Variants in PTPRQ observed in about 807,000 individuals in gnomAD.
The protein encoded by PTPRQ is protein tyrosine phosphatase receptor type Q, also known as phosphatidylinositol phosphatase PTPRQ.
In PTPRQ, 199 loss-of-function variants were observed where a neutral mutation model predicts 246.0. The observed-to-expected ratio is 0.81, with a 90% CI of 0.72 to 0.91. The LOEUF is 0.91. Ranked by LOEUF, PTPRQ falls within the 40% of genes least tolerant of loss-of-function variation. The probability of loss-of-function intolerance (pLI) is 0.00; values close to 1 mark genes in which losing one functional copy is unlikely to be tolerated. For missense variants in PTPRQ, 2,624 were observed against 2,528.4 expected (o/e 1.04, Z -0.81); for synonymous variants, 869 against 853.2 (o/e 1.02, Z -0.32).
At chr12:80,452,370 A>G (rs1423081861) in intron 3 of PTPRQ, among the ~76,000 whole-genome samples, 1 of 152,104 alleles carries the variant, frequency 6.6e-6, no homozygotes, top group Admixed American at 6.6e-5. Flanking sequence ...TTACATTTAA[A>G]GTCAATATTG....
At chr12:80,619,294 G>A (rs1009582015) in intron 30 of PTPRQ, 90 bp from the exon 31 acceptor site, 273 of 1,404,190 alleles carry the variant, frequency 1.9e-4, no homozygotes, top group Non-Finnish European at 2.5e-4. Flanking sequence ...CACTTTATCT[G>A]TAAATTAACT....
At chr12:80,645,958 T>C (rs1287148732) in intron 35 of PTPRQ, among the ~76,000 whole-genome samples, 4 of 152,094 alleles carry the variant, frequency 2.6e-5, no homozygotes, top group Admixed American at 2.0e-4. Context: ...AGAGATTTGT[T>C]TGGGATCTCG....
At chr12:80,576,011 C>T (rs564516531) in intron 25 of PTPRQ, among the ~76,000 whole-genome samples, 87 of 152,206 alleles carry the variant, frequency 5.7e-4, no homozygotes, top group Non-Finnish European at 6.2e-4. Flanking sequence ...CCTTCTCTCT[C>T]GCTTTCTCAT....
intron 8 of PTPRQ, among the ~76,000 whole-genome samples, chr12:80,481,204 G>A (rs1894038167): frequency 6.6e-6 from 1 of 152,188 alleles, no homozygotes; most frequent in South Asian, 2.1e-4. Flanking sequence ...TCCCTGGGAT[G>A]CAAGGCTGGT....
intron 28 of PTPRQ, among the ~76,000 whole-genome samples, chr12:80,612,813 A>G (rs1204118018): frequency 3.3e-5 from 5 of 150,504 alleles, no homozygotes; most frequent in African/African-American, 9.7e-5. Context: ...AAACTCTGCT[A>G]CATCCACAAA....
At chr12:80,444,458 G>T (rs932539038) in intron 1 of PTPRQ, 59 bp downstream of exon 1, 1 of 980,428 alleles carries the variant, frequency 1.0e-6, no homozygotes. Context: ...GATTTCTCAA[G>T]ACTTGAATAG....
chr12:80,626,195 G>C (rs555761967), intron 33 of PTPRQ, among the ~76,000 whole-genome samples: 1 of 152,278 alleles, frequency 6.6e-6, no homozygotes, highest in Admixed American at 6.5e-5. Context: ...GAGGAACAGA[G>C]GAAGATTGTA....
chr12:80,664,771 T>C (rs549785975), intron 39 of PTPRQ, among the ~76,000 whole-genome samples: 1 of 152,004 alleles, frequency 6.6e-6, no homozygotes, highest in Non-Finnish European at 1.5e-5. Context: ...ACTCAGAAAA[T>C]TAGCCTTAAG....
chr12:80,645,093 G>A (rs1001829054), intron 35 of PTPRQ, among the ~76,000 whole-genome samples: 1 of 151,978 alleles, frequency 6.6e-6, no homozygotes, highest in African/African-American at 2.4e-5. Flanking sequence ...ATTCTAAAAA[G>A]TGATTGGATT....
intron 8 of PTPRQ, among the ~76,000 whole-genome samples, chr12:80,482,987 A>G (rs1432168100): frequency 9.3e-6 from 1 of 106,964 alleles, no homozygotes; most frequent in East Asian, 2.3e-4. Context: ...AGGGATCTAG[A>G]ACTAGAAATA....
chr12:80,607,181 C>A (rs1022145552), intron 27 of PTPRQ, among the ~76,000 whole-genome samples: 1 of 150,942 alleles, frequency 6.6e-6, no homozygotes, highest in Admixed American at 6.6e-5. Flanking sequence ...TTATTACCTT[C>A]ATTTTGCATA....
At chr12:80,590,097 T>C (rs1283338339) in intron 26 of PTPRQ, among the ~76,000 whole-genome samples, 1 of 152,206 alleles carries the variant, frequency 6.6e-6, no homozygotes, top group East Asian at 1.9e-4. Context: ...GTGTGTTGAA[T>C]ATACTTCTCT....
At chr12:80,531,860 A>G (rs773554967) in intron 17 of PTPRQ, among the ~76,000 whole-genome samples, 2 of 152,168 alleles carry the variant, frequency 1.3e-5, no homozygotes, top group African/African-American at 2.4e-5. Context: ...GAGTAAACCA[A>G]GCTAGATGTT....
chr12:80,473,839 T>C (rs1428934282), intron 8 of PTPRQ, among the ~76,000 whole-genome samples: 1 of 152,214 alleles, frequency 6.6e-6, no homozygotes, highest in Non-Finnish European at 1.5e-5. Context: ...GATGACTCCA[T>C]TTGCCCTCTA....
chr12:80,670,753 G>A (rs1004091140), intron 42 of PTPRQ, among the ~76,000 whole-genome samples: 1 of 152,020 alleles, frequency 6.6e-6, no homozygotes, highest in Non-Finnish European at 1.5e-5. Context: ...ACTTAAATGA[G>A]ATACTCAGAA....
intron 42 of PTPRQ, among the ~76,000 whole-genome samples, chr12:80,671,536 A>G (rs1174739159): frequency 1.3e-5 from 2 of 152,132 alleles, no homozygotes; most frequent in Non-Finnish European, 2.9e-5. Flanking sequence ...TAAATAAGAG[A>G]TAAGAAGAAA....
At chr12:80,487,757 A>G (rs1270940194) in intron 9 of PTPRQ, among the ~76,000 whole-genome samples, 1 of 152,092 alleles carries the variant, frequency 6.6e-6, no homozygotes, top group Non-Finnish European at 1.5e-5. Context: ...TCAGGATTGC[A>G]TAGTCCCTTG....
intron 7 of PTPRQ, among the ~76,000 whole-genome samples, chr12:80,471,710 C>T (rs1228778588): frequency 6.6e-6 from 1 of 150,448 alleles, no homozygotes; most frequent in Non-Finnish European, 1.5e-5. Context: ...ATCTCCTGAC[C>T]TCGTGATCCG....
chr12:80,564,882 T>C (rs538008854), intron 25 of PTPRQ, among the ~76,000 whole-genome samples: 70 of 152,334 alleles, frequency 4.6e-4, no homozygotes, highest in African/African-American at 1.6e-3. Context: ...ACAGACATTA[T>C]GAAGTAGGGA....
Sources: allele counts gnomAD v4.1 joint callset (sites outside exome capture counted in the v4.1 genomes callset), GRCh38; gene constraint gnomAD v4.1.1; transcripts MANE v1.5; gene names NCBI Gene and HGNC (gene_info 2026-07-23, HGNC 2026-07-21).